SCML2: variants seen among roughly 807,000 people sequenced by gnomAD.
SCML2 encodes the protein Scm polycomb group protein like 2.
SCML2 carries 6 observed loss-of-function variants against 48.4 expected under a neutral mutation model. The observed-to-expected ratio is 0.12, with a 90% CI of 0.07 to 0.24. The LOEUF is 0.24. SCML2 is among the 10% of genes least tolerant of loss of function. The probability of loss-of-function intolerance (pLI) is 1.00; values close to 1 mark genes in which losing one functional copy is unlikely to be tolerated. For missense variants in SCML2, 377 were observed against 528.2 expected (o/e 0.71, Z 2.81); for synonymous variants, 181 against 189.5 (o/e 0.95, Z 0.37).
intron 1 of SCML2, among the ~76,000 whole-genome samples, chrX:18,348,308 T>C (rs1276738192): frequency 2.7e-5 from 3 of 111,852 alleles, no homozygotes; most frequent in Non-Finnish European, 5.6e-5. Flanking sequence ...CTATTATCAC[T>C]GCAGTCTAGA....
chrX:18,341,819 AAAT>A (rs1299118641), intron 1 of SCML2, among the ~76,000 whole-genome samples: 3 of 112,197 alleles, frequency 2.7e-5, no homozygotes, highest in Non-Finnish European at 5.6e-5. Flanking sequence ...ACTTGAGAAA[AAAT>A]AAAACGTTCT....
At chrX:18,334,470 G>A (rs1929749293) in intron 1 of SCML2, among the ~76,000 whole-genome samples, 1 of 111,766 alleles carries the variant, frequency 8.9e-6, no homozygotes, top group South Asian at 3.8e-4. Context: ...ACAGTTGGTA[G>A]GTTAGCAAAG....
intron 1 of SCML2, among the ~76,000 whole-genome samples, chrX:18,354,230 A>AG (rs1309010660): frequency 8.9e-6 from 1 of 112,678 alleles, no homozygotes; most frequent in Non-Finnish European, 1.9e-5. Flanking sequence ...GATGCCCCCC[A>AG]GGCCCCAGCC....
At position 18,301,722 on chromosome X, in the gene SCML2, A is replaced by G. The variant is rs1928597954; in HGVS notation, c.730+3250T>C. ...CACCTGGAGAGTTGAAGCTGCAGTG[A>G]GCCATGATTGCACCACTGCACTCCA... On this transcript the variant is annotated intron_variant, in intron 7 of 14. Coordinates refer to ENST00000251900, the MANE Select transcript of SCML2 (RefSeq NM_006089.3). Among the ~76,000 whole-genome samples the G allele has an allele frequency of 4.5e-5, 5 of 111,549 alleles. No homozygotes were observed. The Admixed American group carries it at 4.8e-4, about 11-fold the overall frequency.
rs1436012267 is a variant in SCML2, at chrX:18,240,372, T to C, written c.*879A>G. The C allele has an allele frequency of 8.9e-6, 1 of 112,328 alleles. No individual in the cohort carries two copies. Among genetic ancestry groups the C allele is most frequent in the East Asian group, 2.8e-4 (1 of 3,593 alleles). The allele number at this position is 112,328 out of a possible 1,213,427, so 9.3% of individuals were successfully genotyped here. ...ATATGAAGAATAAACACATACAATA[T>C]ATATCTTCAAAAATTTTGGACACAG... On this transcript the variant is annotated 3_prime_UTR_variant, in exon 15 of 15. Coordinates refer to ENST00000251900, the MANE Select transcript of SCML2 (RefSeq NM_006089.3).
chrX:18,244,905 T>C (rs1926387835), intron 13 of SCML2, among the ~76,000 whole-genome samples: 1 of 111,388 alleles, frequency 9.0e-6, no homozygotes, highest in Non-Finnish European at 1.9e-5. Context: ...TTAAAAATAA[T>C]AGTAATGACA....
intron 6 of SCML2, among the ~76,000 whole-genome samples, chrX:18,319,443 C>CA (rs981091043): frequency 9.2e-6 from 1 of 108,658 alleles, no homozygotes; most frequent in Admixed American, 9.8e-5. Flanking sequence ...ACTAAAAATA[C>CA]AAAAAAAGTA....
In SCML2 at chrX:18,240,145, C is replaced by T. The variant is rs2147454632; in HGVS notation, c.*1106G>A. ...AACCAATCTACAGATTGTTTCATAT[C>T]CCCTGAAGAGTAAGCTGAGAGGTAC... On this transcript the variant is annotated 3_prime_UTR_variant, in exon 15 of 15. Transcript: ENST00000251900. 1 of 112,085 alleles carries T rather than the reference C, an allele frequency of 8.9e-6. No individual in the cohort carries two copies. Among genetic ancestry groups the T allele is most frequent in the East Asian group, 2.8e-4 (1 of 3,571 alleles). The allele number at this position is 112,085 out of a possible 1,213,427, so 9.2% of individuals were successfully genotyped here. A position where few individuals can be genotyped will look rare whatever the true frequency, so the allele number is the denominator to read the frequency against.
At chrX:18,251,709 G>T (rs1926672445) in intron 11 of SCML2, among the ~76,000 whole-genome samples, 1 of 111,981 alleles carries the variant, frequency 8.9e-6, no homozygotes, top group South Asian at 3.7e-4. Flanking sequence ...AACCTCTTTG[G>T]AAAAGTCTGT....
At chrX:18,353,691 T>A (rs764481402) in intron 1 of SCML2, among the ~76,000 whole-genome samples, 34 of 112,608 alleles carry the variant, frequency 3.0e-4, no homozygotes, top group African/African-American at 9.3e-4. Flanking sequence ...AGCCTGTAAG[T>A]AAATACTTGT....
At chrX:18,298,027 G>A (rs1928454356) in intron 7 of SCML2, among the ~76,000 whole-genome samples, 3 of 109,118 alleles carry the variant, frequency 2.7e-5, no homozygotes, top group African/African-American at 1.0e-4. Context: ...GAGAGAAGAA[G>A]AAGAAAGAAA....
At chrX:18,251,797 G>A (rs769441779) in intron 11 of SCML2, among the ~76,000 whole-genome samples, 174 of 112,293 alleles carry the variant, frequency 1.5e-3, no homozygotes, top group Middle Eastern at 4.6e-3. Context: ...GAGAGAACAC[G>A]TATCCACACA....
chrX:18,318,074 A>C (rs1929190951), intron 6 of SCML2, among the ~76,000 whole-genome samples: 2 of 112,382 alleles, frequency 1.8e-5, no homozygotes, highest in African/African-American at 6.5e-5. Flanking sequence ...CTGACTAGTA[A>C]AACAGATCCA....
chrX:18,291,351 C>A (rs963607636), intron 7 of SCML2, among the ~76,000 whole-genome samples: 1 of 111,992 alleles, frequency 8.9e-6, no homozygotes, highest in African/African-American at 3.2e-5. Flanking sequence ...GCTGAATTTT[C>A]TATCCAAGTA....
chrX:18,302,548 T>A (rs1462079084), intron 7 of SCML2, among the ~76,000 whole-genome samples: 1 of 111,416 alleles, frequency 9.0e-6, no homozygotes, highest in Non-Finnish European at 1.9e-5. Context: ...CCCCAGGCAA[T>A]TCAAGAGTGA....
chrX:18,328,442 G>A (rs918790382), intron 3 of SCML2, among the ~76,000 whole-genome samples: 3 of 111,392 alleles, frequency 2.7e-5, no homozygotes, highest in Non-Finnish European at 5.7e-5. Flanking sequence ...AGGCTGAGGC[G>A]GGCAGATCGC....
rs766427319 is a variant in SCML2 at position 18,324,029 on chromosome X, T to A, written c.227A>T (p.Asn76Ile). 1 of 1,211,164 alleles carries A rather than the reference T, an allele frequency of 8.3e-7. No individual in the cohort carries two copies. Among genetic ancestry groups the A allele is most frequent in the Non-Finnish European group, 1.1e-6 (1 of 895,203 alleles). Residue 76 changes from asparagine (N) to isoleucine (I), a missense_variant, in exon 5 of 15, where the codon AAT becomes ATT. By Grantham distance (149) the Asn-to-Ile change is moderately radical. This residue lies in a region of SCML2 where 61 missense variants were observed against 59.9 expected (regional missense o/e 1.02). Transcript: ENST00000251900. ...GMKLEARDPR[N>I]ATSVCIATVI... ...CGTAGCAATACATACTGAAGTGGCA[T>A]TGCGAGGGTCACGGGCTTCCAATTT...
chrX:18,347,316 G>A (rs1249126178), intron 1 of SCML2, among the ~76,000 whole-genome samples: 5 of 108,530 alleles, frequency 4.6e-5, no homozygotes, highest in Non-Finnish European at 9.6e-5. Flanking sequence ...GTGGTGGCGG[G>A]CACCTGTAGT....
intron 1 of SCML2, among the ~76,000 whole-genome samples, chrX:18,349,653 T>C (rs1406845699): frequency 1.8e-5 from 2 of 111,405 alleles, no homozygotes; most frequent in Admixed American, 1.9e-4. Flanking sequence ...AAAAATTAGC[T>C]GGGCATGGTT....
Sources: allele counts gnomAD v4.1 joint callset (sites outside exome capture counted in the v4.1 genomes callset), GRCh38; gene constraint gnomAD v4.1.1; regional missense constraint gnomAD v4.1.1; transcripts MANE v1.5; gene names NCBI Gene and HGNC (gene_info 2026-07-23, HGNC 2026-07-21).